The following ASIC2 variants were observed in gnomAD, a reference collection of about 807,000 sequenced individuals.
ASIC2 encodes acid sensing ion channel subunit 2.
A neutral mutation model predicts 57.3 loss-of-function variants in ASIC2; 25 were observed. That is an observed-to-expected ratio of 0.44 (90% CI 0.32 to 0.61). The LOEUF is 0.61. Among genes scored for constraint, ASIC2 ranks in the 20% least tolerant of loss-of-function variants. The pLI, the probability that ASIC2 is intolerant of heterozygous loss-of-function variation, is 0.06. For synonymous variants in ASIC2, 319 were observed against 307.5 expected, an observed-to-expected ratio of 1.04 and a Z score of -0.39; for missense variants, 641 against 738.1, an observed-to-expected ratio of 0.87 and a Z score of 1.52.
intron 1 of ASIC2, among the ~76,000 whole-genome samples, chr17:33,535,078 A>G (rs1169350883): frequency 1.3e-5 from 2 of 152,178 alleles, no homozygotes; most frequent in Non-Finnish European, 2.9e-5. Context: ...CAACTTGCTC[A>G]AGGCAGAGCT....
At position 33,784,919 on chromosome 17, in the gene ASIC2, C is replaced by A. The variant is rs562600672; in HGVS notation, c.555+371059G>T. 4.6e-5 allele frequency among the ~76,000 whole-genome samples: 7 copies of A among 152,122 alleles called. No homozygotes were observed. The East Asian group carries it at 1.4e-3, about 29-fold the overall frequency. The stretch of plus-strand genomic sequence containing the variant: ...GTACTTTATCATTTTTTTTCCTTGC[C>A]TTTGTCCCCTTGAAACAAGCTCACT... On this transcript the variant is annotated intron_variant, in intron 1 of 9. Coordinates refer to the ASIC2 transcript ENST00000359872.
chr17:33,175,464 G>GT (rs71362880), intron 1 of ASIC2, among the ~76,000 whole-genome samples: 22,368 of 147,318 alleles, frequency 0.15, 2,411 homozygotes, highest in African/African-American at 0.3. Context: ...TTATTTTATT[G>GT]TTTTTTTTTT....
intron 1 of ASIC2, among the ~76,000 whole-genome samples, chr17:33,917,601 T>C (rs1326584978): frequency 6.6e-6 from 1 of 152,216 alleles, no homozygotes; most frequent in African/African-American, 2.4e-5. Context: ...CACTCCGGTT[T>C]CTTCTTCTTT....
intron 1 of ASIC2, among the ~76,000 whole-genome samples, chr17:33,725,721 A>ACCC (rs3064573): frequency 1.1e-4 from 14 of 130,702 alleles, no homozygotes; most frequent in East Asian, 5.4e-4. Context: ...CTATTAAGAA[A>ACCC]CCCCCCCCCC....
chr17:33,077,581 C>T (rs2092094242), intron 3 of ASIC2, among the ~76,000 whole-genome samples: 1 of 152,084 alleles, frequency 6.6e-6, no homozygotes, highest in South Asian at 2.1e-4. Context: ...TGAAAGATCT[C>T]AGTAGGTGAG....
At chr17:34,150,409 A>C (rs528345066) in intron 1 of ASIC2, among the ~76,000 whole-genome samples, 1 of 152,322 alleles carries the variant, frequency 6.6e-6, no homozygotes, top group Non-Finnish European at 1.5e-5. Flanking sequence ...CCATCCCCCC[A>C]AGAAAATGGT....
chr17:33,783,263 G>A (rs1300905096), intron 1 of ASIC2, among the ~76,000 whole-genome samples: 1 of 152,192 alleles, frequency 6.6e-6, no homozygotes. Flanking sequence ...AATAGCTCAT[G>A]CTCTGGAATC....
At chr17:33,533,547 C>G (rs1915126621) in intron 1 of ASIC2, 1 of 152,114 alleles carries the variant, frequency 6.6e-6, no homozygotes, top group Non-Finnish European at 1.5e-5. Context: ...TCACAAGATT[C>G]AAATAAAAGG....
intron 1 of ASIC2, among the ~76,000 whole-genome samples, chr17:33,562,635 T>C (rs2043472): frequency 1.3e-5 from 2 of 151,862 alleles, no homozygotes; most frequent in South Asian, 4.2e-4. Context: ...GGCACCTATC[T>C]CTTGGGAAAA....
At chr17:34,034,627 C>T (rs1384704273) in intron 1 of ASIC2, among the ~76,000 whole-genome samples, 7 of 152,152 alleles carry the variant, frequency 4.6e-5, no homozygotes, top group Admixed American at 3.9e-4. Context: ...CGTCTCAGCC[C>T]AAAATCTCCT....
chr17:33,038,374 G>C (rs1385403730), intron 3 of ASIC2, among the ~76,000 whole-genome samples: 1 of 152,194 alleles, frequency 6.6e-6, no homozygotes, highest in Non-Finnish European at 1.5e-5. Context: ...TTGTGATAAT[G>C]ACTCCTGCCC....
At chr17:34,140,799 A>T (rs1358782878) in intron 1 of ASIC2, among the ~76,000 whole-genome samples, 3 of 152,234 alleles carry the variant, frequency 2.0e-5, no homozygotes, top group Non-Finnish European at 4.4e-5. Flanking sequence ...ATTTCAGAAA[A>T]CCAACTAATA....
rs1908423639 is a variant in ASIC2 at position 34,048,540 on chromosome 17, A to G, written c.555+107438T>C. ...CATCTCCCAAACCATCTTTACCTGT[A>G]AAGTCCTATTGTGCAGTAAAGAGAC... is the stretch of plus-strand genomic sequence containing the variant. On this transcript the variant is annotated intron_variant, in intron 1 of 9. Coordinates refer to the ASIC2 transcript ENST00000359872. Among the ~76,000 whole-genome samples the G allele has an allele frequency of 2.0e-5, 3 of 152,086 alleles. No individual in the cohort carries two copies. In the South Asian group the frequency reaches 6.2e-4, roughly 32 times the overall value.
chr17:34,080,958 AG>A (rs1156397487), intron 1 of ASIC2: 1 of 152,180 alleles, frequency 6.6e-6, no homozygotes, highest in Non-Finnish European at 1.5e-5. Context: ...TCCCATTCCC[AG>A]AGTGAAGACT....
At chr17:33,239,302 G>A (rs2142117450) in intron 1 of ASIC2, among the ~76,000 whole-genome samples, 1 of 150,808 alleles carries the variant, frequency 6.6e-6, no homozygotes, top group East Asian at 2.0e-4. Flanking sequence ...AAAAAAAAAA[G>A]TCTTTGCTCA....
chr17:33,979,277 C>A (rs1905516457), intron 1 of ASIC2, among the ~76,000 whole-genome samples: 1 of 152,152 alleles, frequency 6.6e-6, no homozygotes, highest in Non-Finnish European at 1.5e-5. Context: ...GTCCTTCCTT[C>A]CTGCATGAGA....
intron 1 of ASIC2, among the ~76,000 whole-genome samples, chr17:33,338,087 G>A (rs1907589123): frequency 6.6e-6 from 1 of 152,010 alleles, no homozygotes; most frequent in Non-Finnish European, 1.5e-5. Context: ...GCAGGGCAGG[G>A]AGGATGGAGA....
At chr17:33,722,787 A>G (rs1302471006) in intron 1 of ASIC2, among the ~76,000 whole-genome samples, 1 of 152,180 alleles carries the variant, frequency 6.6e-6, no homozygotes, top group African/African-American at 2.4e-5. Context: ...TGGCAACAAA[A>G]AAAAGATATC....
Position 33,233,514 on chromosome 17 carries a change from TCACACACACACACACACA to T in ASIC2, c.708+57876_708+57893del, listed in dbSNP as rs36203893. Among the ~76,000 whole-genome samples, 305 of 147,086 alleles carry T rather than the reference TCACACACACACACACACA, an allele frequency of 2.1e-3. 2 individuals are homozygous for T. Among genetic ancestry groups the T allele is most frequent in the African/African-American group, 6.3e-3 (248 of 39,610 alleles). ...CACTTGAGGTTACGGAATTGGAAAT[TCACACACACACACACACA>T]CACACACACACACACACACACACAC... On this transcript the variant is annotated intron_variant, in intron 1 of 9. Transcript: ENST00000225823.
Sources: allele counts gnomAD v4.1 joint callset (sites outside exome capture counted in the v4.1 genomes callset), GRCh38; gene constraint gnomAD v4.1.1; transcripts MANE v1.5; gene names NCBI Gene and HGNC (gene_info 2026-07-23, HGNC 2026-07-21).